C8orf34: variants seen among roughly 807,000 people sequenced by gnomAD.
C8orf34 encodes uncharacterized protein C8orf34.
A neutral mutation model predicts 68.3 loss-of-function variants in C8orf34; 65 were observed. The ratio of observed to expected loss-of-function variants is 0.95; its 90% confidence interval spans 0.78 to 1.17. The LOEUF (loss-of-function observed/expected upper bound fraction) is 1.17. Ranked by LOEUF, C8orf34 falls within the 50% of genes most tolerant of loss-of-function variation. C8orf34 has a pLI of 0.00. For synonymous variants in C8orf34, 244 were observed against 241.2 expected (o/e 1.01, Z -0.11); for missense variants, 664 against 655.4 (o/e 1.01, Z -0.14).
At chr8:68,610,859 TGG>T (rs373019321) in intron 7 of C8orf34, among the ~76,000 whole-genome samples, 1,566 of 133,918 alleles carry the variant, frequency 0.012, 70 homozygotes, top group African/African-American at 0.05. Context: ...AGTGAATCTT[TGG>T]TTTTTTTTTT....
At chr8:68,380,798 A>AAT (rs1160545741) in intron 1 of C8orf34, among the ~76,000 whole-genome samples, 5 of 152,210 alleles carry the variant, frequency 3.3e-5, no homozygotes, top group Non-Finnish European at 7.3e-5. Context: ...TAGAAGAGCT[A>AAT]ATATATATAT....
chr8:68,576,430 T>G (rs1816909314), intron 7 of C8orf34, among the ~76,000 whole-genome samples: 1 of 151,650 alleles, frequency 6.6e-6, no homozygotes, highest in Non-Finnish European at 1.5e-5. Context: ...AGAGTCTGTT[T>G]AATGTCACAG....
chr8:68,518,381 A>T (rs1190508373), intron 5 of C8orf34, among the ~76,000 whole-genome samples: 1 of 152,132 alleles, frequency 6.6e-6, no homozygotes, highest in African/African-American at 2.4e-5. Context: ...TGTACTTTAC[A>T]TGTTTGTATC....
At chr8:68,791,528 T>C (rs1823993135) in intron 12 of C8orf34, 1 of 152,232 alleles carries the variant, frequency 6.6e-6, no homozygotes, top group Non-Finnish European at 1.5e-5. Context: ...CAGTACCCTC[T>C]AATTACATTT....
intron 8 of C8orf34, among the ~76,000 whole-genome samples, chr8:68,645,412 T>C (rs1261866839): frequency 2.6e-5 from 4 of 152,170 alleles, no homozygotes. Flanking sequence ...AATGCTAAGA[T>C]ATTAAGGAAA....
At chr8:68,660,855 C>T (rs1819650547) in intron 8 of C8orf34, among the ~76,000 whole-genome samples, 1 of 151,762 alleles carries the variant, frequency 6.6e-6, no homozygotes, top group South Asian at 2.1e-4. Flanking sequence ...GAAAAATTCC[C>T]TGTATTCACA....
chr8:68,738,971 A>C (rs554514369), intron 10 of C8orf34, among the ~76,000 whole-genome samples: 1 of 152,246 alleles, frequency 6.6e-6, no homozygotes, highest in Admixed American at 6.5e-5. Context: ...CCTTGCAGAG[A>C]CACAACAAAA....
At chr8:68,801,265 A>C (rs1186739549) in intron 12 of C8orf34, among the ~76,000 whole-genome samples, 1 of 152,194 alleles carries the variant, frequency 6.6e-6, no homozygotes, top group African/African-American at 2.4e-5. Context: ...AACAAAAATA[A>C]ATTTAACATT....
intron 12 of C8orf34, among the ~76,000 whole-genome samples, chr8:68,794,410 A>G (rs555331267): frequency 0.4 from 566 of 1,410 alleles, 7 homozygotes; most frequent in Admixed American, 0.47. Context: ...GGCTCAAGCA[A>G]TCCTCCCCTC....
chr8:68,552,589 T>C lies in C8orf34; in HGVS notation c.1105+19440T>C, dbSNP rs1816109758. On this transcript the variant is annotated intron_variant, in intron 7 of 13. Coordinates refer to ENST00000518698, the MANE Select transcript of C8orf34 (RefSeq NM_052958.4). ...GTTATCATAGGTTTTTTAGTGGTTA[T>C]TTAGGATTTTCTATATACAAGACCA... Among the ~76,000 whole-genome samples the C allele has an allele frequency of 2.0e-5, 3 of 152,172 alleles. No homozygotes were observed. In the South Asian group the frequency reaches 6.2e-4, roughly 31 times the overall value.
intron 3 of C8orf34, among the ~76,000 whole-genome samples, chr8:68,466,703 G>C (rs902589618): frequency 3.5e-5 from 5 of 141,580 alleles, no homozygotes; most frequent in Non-Finnish European, 3.0e-5. Flanking sequence ...AATAAACAAA[G>C]TCTTACACTT....
At chr8:68,487,471 G>A (rs1240419784) in intron 4 of C8orf34, among the ~76,000 whole-genome samples, 1 of 152,128 alleles carries the variant, frequency 6.6e-6, no homozygotes, top group African/African-American at 2.4e-5. Flanking sequence ...GGATGGTGGG[G>A]GAAGGAACTT....
At chr8:68,415,219 G>A (rs1479039416) in intron 1 of C8orf34, among the ~76,000 whole-genome samples, 4 of 152,230 alleles carry the variant, frequency 2.6e-5, no homozygotes, top group East Asian at 1.9e-4. Context: ...GGTGGGTCAC[G>A]CCTATAATCC....
intron 4 of C8orf34, among the ~76,000 whole-genome samples, chr8:68,470,117 G>A (rs1464877647): frequency 6.6e-6 from 1 of 151,850 alleles, no homozygotes; most frequent in Admixed American, 6.6e-5. Flanking sequence ...CTCCACGTTT[G>A]GTTAAATTTC....
intron 10 of C8orf34, among the ~76,000 whole-genome samples, chr8:68,731,372 A>G (rs1029928172): frequency 1.3e-5 from 2 of 152,170 alleles, no homozygotes; most frequent in Admixed American, 1.3e-4. Context: ...CAAACAAACC[A>G]AAAAAATACT....
chr8:68,775,626 C>A (rs1823492842), intron 10 of C8orf34, among the ~76,000 whole-genome samples: 1 of 152,046 alleles, frequency 6.6e-6, no homozygotes, highest in Non-Finnish European at 1.5e-5. Context: ...TGTCTGTCCT[C>A]TATGTAAAAA....
intron 10 of C8orf34, among the ~76,000 whole-genome samples, chr8:68,729,986 A>G (rs1253583140): frequency 6.6e-6 from 1 of 152,126 alleles, no homozygotes; most frequent in African/African-American, 2.4e-5. Flanking sequence ...ATTTTATGTA[A>G]ATTGGTTTAA....
chr8:68,428,641 T>C (rs1563430917), intron 1 of C8orf34, among the ~76,000 whole-genome samples: 2 of 151,938 alleles, frequency 1.3e-5, no homozygotes, highest in Non-Finnish European at 2.9e-5. Context: ...CTTGGCAGAA[T>C]AAATAAGAAA....
At chr8:68,705,794 G>A (rs368188668) in intron 8 of C8orf34, among the ~76,000 whole-genome samples, 17 of 149,138 alleles carry the variant, frequency 1.1e-4, no homozygotes, top group African/African-American at 4.2e-4. Context: ...ATGATAGTGG[G>A]AAAAAAAAAC....
Sources: allele counts gnomAD v4.1 joint callset (sites outside exome capture counted in the v4.1 genomes callset), GRCh38; gene constraint gnomAD v4.1.1; transcripts MANE v1.5; gene names NCBI Gene and HGNC (gene_info 2026-07-23, HGNC 2026-07-21).